Variants in FSD1L observed in about 807,000 individuals in gnomAD.
The protein encoded by FSD1L is FSD1-like protein.
FSD1L carries 45 observed loss-of-function variants against 71.6 expected under a neutral mutation model. That is an observed-to-expected ratio of 0.63 (90% CI 0.49 to 0.81). The LOEUF (loss-of-function observed/expected upper bound fraction) is 0.81. FSD1L is among the 30% of genes least tolerant of loss of function. The probability of loss-of-function intolerance (pLI) is 0.00; values close to 1 mark genes in which losing one functional copy is unlikely to be tolerated. For missense variants in FSD1L, 561 were observed against 618.1 expected (o/e 0.91, Z 0.98); for synonymous variants, 197 against 207.2 (o/e 0.95, Z 0.42).
At chr9:105,497,973 A>G (rs1347849529) in intron 7 of FSD1L, among the ~76,000 whole-genome samples, 1 of 151,942 alleles carries the variant, frequency 6.6e-6, no homozygotes. Context: ...CCTTCTCAGT[A>G]GTTAGGACTA....
At position 105,534,652 on chromosome 9, in the gene FSD1L, G is replaced by A. The variant is rs992689930; in HGVS notation, c.1126+59G>A. 2.3e-5 allele frequency: 22 copies of A among 975,760 alleles called. No homozygotes were observed. In the African/African-American group the frequency reaches 3.6e-4, roughly 16 times the overall value. 60.4% of individuals were successfully genotyped at this position (975,760 alleles called of 1,614,324 possible). A position where few individuals can be genotyped will look rare whatever the true frequency, so the allele number is the denominator to read the frequency against. ...AGATTAAAGGCATCACAATCACACTGGTGGACTTTCCACTCAAAGTGACTG... is the reference window on the plus strand; with the variant it reads ...AGATTAAAGGCATCACAATCACACTAGTGGACTTTCCACTCAAAGTGACTG... On this transcript the variant is annotated intron_variant, in intron 11 of 13. Coordinates refer to ENST00000481272, the MANE Select transcript of FSD1L (RefSeq NM_001145313.3).
chr9:105,471,562 A>G lies in FSD1L; in HGVS notation c.340-342A>G, dbSNP rs1048096693. On this transcript the variant is annotated intron_variant, in intron 4 of 13. Transcript: ENST00000481272. ...TATCTTGAATTGCTAGTTTTTAATT[A>G]ATGACAGTGGACTAAGCTTCGCTTA... is the stretch of plus-strand genomic sequence containing the variant. Among the ~76,000 whole-genome samples the G allele has an allele frequency of 9.2e-5, 14 of 152,034 alleles. No individual in the cohort carries two copies. The East Asian group carries it at 2.7e-3, about 29-fold the overall frequency.
chr9:105,533,705 G>A (rs754004767), intron 10 of FSD1L, among the ~76,000 whole-genome samples: 1 of 119,078 alleles, frequency 8.4e-6, no homozygotes, highest in African/African-American at 3.6e-5. Context: ...AGAAGCATGA[G>A]CCACCGCGTG....
chr9:105,469,702 GTT>G (rs57481431), intron 4 of FSD1L, among the ~76,000 whole-genome samples: 22,194 of 141,760 alleles, frequency 0.16, 1,780 homozygotes, highest in Admixed American at 0.25. Context: ...TGATTCACAG[GTT>G]TTTTTTTTTT....
chr9:105,462,427 G>A (rs1411483200), intron 2 of FSD1L, among the ~76,000 whole-genome samples: 1 of 151,276 alleles, frequency 6.6e-6, no homozygotes, highest in African/African-American at 2.4e-5. Context: ...CGCCATGTTG[G>A]CCAGGCTGGT....
At chr9:105,472,614 G>T (rs1483056154) in intron 5 of FSD1L, 1 of 152,160 alleles carries the variant, frequency 6.6e-6, no homozygotes, top group Non-Finnish European at 1.5e-5. Context: ...AAATTACTGT[G>T]TAGTTATCAA....
chr9:105,531,887 C>T (rs555473391), intron 10 of FSD1L, among the ~76,000 whole-genome samples: 18 of 152,320 alleles, frequency 1.2e-4, no homozygotes, highest in African/African-American at 2.2e-4. Context: ...ATTTTACTTT[C>T]GCCCTCTTCC....
intron 5 of FSD1L, among the ~76,000 whole-genome samples, chr9:105,475,371 G>A (rs920308594): frequency 6.6e-6 from 1 of 152,170 alleles, no homozygotes; most frequent in Non-Finnish European, 1.5e-5. Context: ...TGGGTTTAGT[G>A]TATTTCCCAC....
At chr9:105,490,465 C>A (rs1832852427) in intron 7 of FSD1L, among the ~76,000 whole-genome samples, 1 of 151,978 alleles carries the variant, frequency 6.6e-6, no homozygotes, top group Admixed American at 6.6e-5. Flanking sequence ...TGCCTGTTCA[C>A]TCTGATGGTA....
At chr9:105,540,755 T>A (rs1836559959) in intron 13 of FSD1L, among the ~76,000 whole-genome samples, 1 of 152,120 alleles carries the variant, frequency 6.6e-6, no homozygotes, top group African/African-American at 2.4e-5. Context: ...ACATAGCAAT[T>A]ACATCCTGTG....
chr9:105,507,889 CTTTTTTTTTTTT>C (rs200267374), intron 8 of FSD1L, among the ~76,000 whole-genome samples: 1 of 109,258 alleles, frequency 9.2e-6, no homozygotes, highest in African/African-American at 3.4e-5. Context: ...TATCACTCTT[CTTTTTTTTTTTT>C]TTTTTTTGAG....
intron 4 of FSD1L, 93 bp downstream of exon 4, chr9:105,468,417 C>G: frequency 6.3e-6 from 6 of 954,426 alleles, no homozygotes; most frequent in South Asian, 2.0e-5. Flanking sequence ...CTAAGTATAA[C>G]TATACCCTTA....
chr9:105,468,351 G>C, intron 4 of FSD1L, 27 bp downstream of exon 4: 1 of 1,459,828 alleles, frequency 6.9e-7, no homozygotes, highest in Admixed American at 3.3e-5. Context: ...ATTGAAATAT[G>C]GATAATTTTA....
chr9:105,464,388 A>T, intron 3 of FSD1L, 57 bp downstream of exon 3: 1 of 742,802 alleles, frequency 1.3e-6, no homozygotes, highest in Non-Finnish European at 2.2e-6. Flanking sequence ...CCAAATCTGA[A>T]GTACAAATAT....
intron 5 of FSD1L, among the ~76,000 whole-genome samples, chr9:105,473,993 T>G (rs1184480350): frequency 6.6e-6 from 1 of 152,242 alleles, no homozygotes; most frequent in African/African-American, 2.4e-5. Flanking sequence ...TTTATAGTAC[T>G]GTTTAGTAGC....
At chr9:105,513,030 C>T in intron 10 of FSD1L, 94 bp downstream of exon 10, 1 of 1,054,098 alleles carries the variant, frequency 9.5e-7, no homozygotes, top group Non-Finnish European at 1.3e-6. Flanking sequence ...AGTCAATATA[C>T]CTATGAGAGT....
Position 105,521,311 on chromosome 9 carries a change from A to G in FSD1L, c.1025+8375A>G, listed in dbSNP as rs1835135786. 12 of 1,614,210 alleles carry G rather than the reference A, an allele frequency of 7.4e-6. No individual in the cohort carries two copies. The South Asian group carries it at 1.2e-4, about 16-fold the overall frequency. ...TCCAGAGAAGAAAGCAAAAATGATA[A>G]TGCTGATAAAGCAGACAGAACTACA... On this transcript the variant is annotated intron_variant, in intron 10 of 13. Coordinates refer to ENST00000481272, the MANE Select transcript of FSD1L (RefSeq NM_001145313.3).
At chr9:105,522,836 T>G in intron 10 of FSD1L, 1 of 1,611,886 alleles carries the variant, frequency 6.2e-7, no homozygotes, top group Non-Finnish European at 8.5e-7. Context: ...GAGGAAGTAG[T>G]CCAGGCAGCC....
chr9:105,452,199 A>G (rs1332315524), intron 1 of FSD1L, among the ~76,000 whole-genome samples: 4 of 152,190 alleles, frequency 2.6e-5, no homozygotes, highest in East Asian at 3.8e-4. Flanking sequence ...CTTTGCCTTC[A>G]TATTGTACCT....
Sources: allele counts gnomAD v4.1 joint callset (sites outside exome capture counted in the v4.1 genomes callset), GRCh38; gene constraint gnomAD v4.1.1; transcripts MANE v1.5; gene names NCBI Gene and HGNC (gene_info 2026-07-23, HGNC 2026-07-21).